Variants in GPC5 observed in about 807,000 individuals in gnomAD.
GPC5 encodes glypican-5.
In GPC5, 47 loss-of-function variants were observed where a neutral mutation model predicts 53.9. That is an observed-to-expected ratio of 0.87 (90% CI 0.69 to 1.11). The LOEUF is 1.11. GPC5 is among the 50% of genes most tolerant of loss of function. The pLI, the probability that GPC5 is intolerant of heterozygous loss-of-function variation, is 0.00. For missense variants in GPC5, 748 were observed against 713.1 expected, an observed-to-expected ratio of 1.05 and a Z score of -0.56; for synonymous variants, 286 against 263.3, an observed-to-expected ratio of 1.09 and a Z score of -0.84.
intron 1 of GPC5, among the ~76,000 whole-genome samples, chr13:91,437,791 T>A (rs995875373): frequency 6.6e-6 from 1 of 152,240 alleles, no homozygotes; most frequent in Non-Finnish European, 1.5e-5. Context: ...CACTTTCAGG[T>A]ACACCAATCA....
intron 7 of GPC5, among the ~76,000 whole-genome samples, chr13:92,445,300 TTTG>T (rs1360939489): frequency 7.7e-6 from 1 of 129,188 alleles, no homozygotes. Flanking sequence ...TGTGATTTTT[TTTG>T]TTTTATTTTA....
chr13:91,757,537 G>A lies in GPC5; in HGVS notation c.1280+1117G>A, dbSNP rs77680363. ...TTTCCCCGATCCTGTTCTTGGGATAGTGAGTTAATTCTCCCGAGATCTGAT... is the reference window on the plus strand; with the variant it reads ...TTTCCCCGATCCTGTTCTTGGGATAATGAGTTAATTCTCCCGAGATCTGAT... On this transcript the variant is annotated intron_variant, in intron 5 of 7. Transcript: ENST00000377067. Among the ~76,000 whole-genome samples the A allele has an allele frequency of 5.2e-3, 784 of 152,184 alleles. 5 individuals carry two copies. The highest frequency in any genetic ancestry group is 0.018 in the African/African-American group (753 of 41,518).
At chr13:91,441,491 G>A (rs1231577829) in intron 1 of GPC5, among the ~76,000 whole-genome samples, 1 of 152,160 alleles carries the variant, frequency 6.6e-6, no homozygotes, top group Non-Finnish European at 1.5e-5. Flanking sequence ...TTTACTCTGA[G>A]CTTGAAAATG....
At chr13:91,577,469 A>G (rs1267784590) in intron 2 of GPC5, among the ~76,000 whole-genome samples, 1 of 152,008 alleles carries the variant, frequency 6.6e-6, no homozygotes, top group Non-Finnish European at 1.5e-5. Flanking sequence ...GGGTCTGTGG[A>G]CTTTGTCTTT....
At chr13:91,810,771 C>T (rs914545180) in intron 5 of GPC5, among the ~76,000 whole-genome samples, 40 of 151,568 alleles carry the variant, frequency 2.6e-4, no homozygotes, top group Admixed American at 2.5e-3. Context: ...TAAACTTTTC[C>T]ATATGTCACC....
chr13:92,378,511 A>C (rs1384871929), intron 7 of GPC5, among the ~76,000 whole-genome samples: 1 of 152,100 alleles, frequency 6.6e-6, no homozygotes, highest in Non-Finnish European at 1.5e-5. Context: ...GTGACACACT[A>C]TTTTGTCTTG....
At chr13:92,315,107 T>A (rs1001102773) in intron 7 of GPC5, among the ~76,000 whole-genome samples, 2 of 152,126 alleles carry the variant, frequency 1.3e-5, no homozygotes, top group Non-Finnish European at 2.9e-5. Flanking sequence ...AGAGAAATTG[T>A]TTTAACTTCA....
intron 2 of GPC5, among the ~76,000 whole-genome samples, chr13:91,584,460 A>T (rs2032484176): frequency 6.6e-6 from 1 of 152,226 alleles, no homozygotes; most frequent in African/African-American, 2.4e-5. Flanking sequence ...TGTTGATGCA[A>T]ATGTAAAAGA....
intron 7 of GPC5, among the ~76,000 whole-genome samples, chr13:92,521,266 G>GA (rs1458146096): frequency 2.6e-5 from 4 of 151,966 alleles, no homozygotes; most frequent in Admixed American, 6.6e-5. Flanking sequence ...CACAGAATTG[G>GA]AAAAAACTAC....
intron 7 of GPC5, among the ~76,000 whole-genome samples, chr13:92,228,487 A>T (rs1054071409): frequency 2.6e-5 from 4 of 152,132 alleles, no homozygotes; most frequent in African/African-American, 9.6e-5. Context: ...TAAGAAAAAA[A>T]GTTACACGAA....
chr13:92,040,563 A>G (rs1264546592), intron 6 of GPC5, among the ~76,000 whole-genome samples: 1 of 152,218 alleles, frequency 6.6e-6, no homozygotes, highest in African/African-American at 2.4e-5. Flanking sequence ...GAAGGTGCCC[A>G]GTGAGCCCAC....
At chr13:92,617,026 G>C (rs1884712907) in intron 7 of GPC5, among the ~76,000 whole-genome samples, 1 of 152,118 alleles carries the variant, frequency 6.6e-6, no homozygotes, top group South Asian at 2.1e-4. Context: ...TTCAAATGTT[G>C]TGGGATATTT....
chr13:91,839,775 T>G (rs1243777249), intron 5 of GPC5, among the ~76,000 whole-genome samples: 1 of 152,134 alleles, frequency 6.6e-6, no homozygotes, highest in Non-Finnish European at 1.5e-5. Context: ...ATATGAATTA[T>G]AAGTCATGAA....
chr13:92,033,653 T>G (rs1234078545), intron 6 of GPC5, among the ~76,000 whole-genome samples: 1 of 152,204 alleles, frequency 6.6e-6, no homozygotes, highest in Non-Finnish European at 1.5e-5. Context: ...TTTTTCAGTG[T>G]CAATATTAGT....
At chr13:92,362,394 A>C (rs2043575352) in intron 7 of GPC5, among the ~76,000 whole-genome samples, 1 of 151,784 alleles carries the variant, frequency 6.6e-6, no homozygotes, top group Admixed American at 6.6e-5. Context: ...GGGTTAAAAG[A>C]TCCTTTGGTC....
chr13:92,751,806 T>TACGC (rs577883672), intron 7 of GPC5, among the ~76,000 whole-genome samples: 52 of 152,210 alleles, frequency 3.4e-4, no homozygotes, highest in Admixed American at 2.3e-3. Flanking sequence ...ACTTAAAACA[T>TACGC]TAAGTTTGCA....
chr13:92,285,708 T>A (rs772818628), intron 7 of GPC5, among the ~76,000 whole-genome samples: 3 of 152,042 alleles, frequency 2.0e-5, no homozygotes, highest in South Asian at 2.1e-4. Context: ...CTGAAACTGG[T>A]TCCCTTCCTT....
chr13:92,583,541 G>A (rs1440052969), intron 7 of GPC5, among the ~76,000 whole-genome samples: 1 of 152,160 alleles, frequency 6.6e-6, no homozygotes. Context: ...AGTGACAGTG[G>A]AGTCATTACT....
intron 2 of GPC5, among the ~76,000 whole-genome samples, chr13:91,523,051 A>G (rs1156311569): frequency 2.0e-5 from 3 of 152,240 alleles, no homozygotes; most frequent in Admixed American, 2.0e-4. Context: ...AATGAGAATT[A>G]CATAGTTTAG....
Sources: allele counts gnomAD v4.1 joint callset (sites outside exome capture counted in the v4.1 genomes callset), GRCh38; gene constraint gnomAD v4.1.1; transcripts MANE v1.5; gene names NCBI Gene and HGNC (gene_info 2026-07-23, HGNC 2026-07-21).